SV2C: variants seen among roughly 807,000 people sequenced by gnomAD.
The protein encoded by SV2C is solute carrier family 22 member B3.
In SV2C, 49 loss-of-function variants were observed where a neutral mutation model predicts 79.7. The ratio of observed to expected loss-of-function variants is 0.61; its 90% CI spans 0.49 to 0.78. The LOEUF (loss-of-function observed/expected upper bound fraction) is 0.78, where lower values mean the gene tolerates loss of function less well. Among genes scored for constraint, SV2C ranks in the 30% least tolerant of loss-of-function variants. The probability of loss-of-function intolerance (pLI) is 0.00; values close to 1 mark genes in which losing one functional copy is unlikely to be tolerated. For missense variants in SV2C, 833 were observed against 912.9 expected (o/e 0.91, Z 1.13); for synonymous variants, 334 against 333.2 (o/e 1.00, Z -0.03).
intron 1 of SV2C, among the ~76,000 whole-genome samples, chr5:76,113,339 T>C (rs1336205593): frequency 1.3e-5 from 2 of 152,274 alleles, no homozygotes; most frequent in Non-Finnish European, 2.9e-5. Context: ...GCAAGGGCTG[T>C]ACCTTTAGTT....
At chr5:76,091,517 G>A (rs1017460635) in intron 1 of SV2C, among the ~76,000 whole-genome samples, 29 of 152,150 alleles carry the variant, frequency 1.9e-4, no homozygotes, top group African/African-American at 6.3e-4. Flanking sequence ...CTGTGCTGTT[G>A]ATGTCCCTGG....
At chr5:76,286,349 C>T (rs1210906332) in intron 6 of SV2C, among the ~76,000 whole-genome samples, 1 of 152,066 alleles carries the variant, frequency 6.6e-6, no homozygotes, top group Non-Finnish European at 1.5e-5. Context: ...CTCCACTCGG[C>T]CAGGTCATAC....
At chr5:76,235,064 C>T (rs984988504) in intron 4 of SV2C, among the ~76,000 whole-genome samples, 2 of 151,388 alleles carry the variant, frequency 1.3e-5, no homozygotes, top group Non-Finnish European at 2.9e-5. Context: ...CTTTTCCTAT[C>T]GTAATTAACT....
the SV2C span, among the ~76,000 whole-genome samples, chr5:75,980,037 T>C: frequency 6.6e-6 from 1 of 152,120 alleles, no homozygotes; most frequent in Non-Finnish European, 1.5e-5. Context: ...ATAAGGGAGA[T>C]ATTACCACTG....
chr5:75,957,164 C>G, the SV2C span, among the ~76,000 whole-genome samples: 1 of 151,890 alleles, frequency 6.6e-6, no homozygotes, highest in Non-Finnish European at 1.5e-5. Flanking sequence ...TGGGAAAAGC[C>G]TAGAAGCTCC....
chr5:76,337,805 T>C (rs760920838), downstream of SV2C, among the ~76,000 whole-genome samples: 2 of 152,178 alleles, frequency 1.3e-5, no homozygotes, highest in Admixed American at 6.5e-5. Flanking sequence ...TCTCCATTTA[T>C]TAGAATTCCA....
At chr5:75,986,794 T>C in the SV2C span, among the ~76,000 whole-genome samples, 1 of 151,930 alleles carries the variant, frequency 6.6e-6, no homozygotes, top group African/African-American at 2.4e-5. Flanking sequence ...TTGTGTCTGT[T>C]TGTTCTGGAT....
At chr5:76,185,692 C>T (rs968878164) in intron 2 of SV2C, among the ~76,000 whole-genome samples, 15 of 152,228 alleles carry the variant, frequency 9.9e-5, no homozygotes, top group Admixed American at 9.8e-4. Context: ...TCCAAGGCTG[C>T]ATAGCAGCCG....
intron 1 of SV2C, among the ~76,000 whole-genome samples, chr5:76,084,887 G>A (rs1433249185): frequency 6.6e-6 from 1 of 151,922 alleles, no homozygotes; most frequent in Non-Finnish European, 1.5e-5. Context: ...CTGGGCTGGC[G>A]GGCAGGCGGC....
At chr5:76,031,160 C>T in the SV2C span, among the ~76,000 whole-genome samples, 1 of 152,192 alleles carries the variant, frequency 6.6e-6, no homozygotes, top group Non-Finnish European at 1.5e-5. Context: ...GAAGGGATTG[C>T]ATCAGACTCT....
In SV2C at chr5:76,301,378, G is replaced by T; in HGVS notation, c.1841-8G>T. 6.2e-7 allele frequency: 1 copy of T among 1,613,640 alleles called. No individual in the cohort carries two copies. The highest frequency in any genetic ancestry group is 8.5e-7 in the Non-Finnish European group (1 of 1,179,868). Reference sequence around the variant, plus strand: ...AACATTCCAGCCTTTTGTCTGCATTGTTGGCAGGTGGCTCTATGGTGCTTT... The same window carrying T: ...AACATTCCAGCCTTTTGTCTGCATTTTTGGCAGGTGGCTCTATGGTGCTTT... On this transcript the variant is annotated splice_region_variant and splice_polypyrimidine_tract_variant and intron_variant, in intron 11 of 12. Transcript: ENST00000502798.
chr5:76,191,238 C>T (rs1360419698), intron 2 of SV2C, among the ~76,000 whole-genome samples: 1 of 152,112 alleles, frequency 6.6e-6, no homozygotes, highest in Non-Finnish European at 1.5e-5. Flanking sequence ...GGGAAATCTA[C>T]CCCCATGGTC....
chr5:75,857,172 T>C, the SV2C span, among the ~76,000 whole-genome samples: 1 of 152,080 alleles, frequency 6.6e-6, no homozygotes, highest in Admixed American at 6.6e-5. Context: ...TTAGCCAGGA[T>C]GGTCTCGATC....
the SV2C span, among the ~76,000 whole-genome samples, chr5:75,886,159 T>C: frequency 2.0e-5 from 3 of 152,170 alleles, no homozygotes; most frequent in East Asian, 3.9e-4. Flanking sequence ...GAGACTCTAC[T>C]GAGAGCTGTC....
the SV2C span, among the ~76,000 whole-genome samples, chr5:76,063,197 C>T: frequency 4.6e-5 from 7 of 152,146 alleles, no homozygotes; most frequent in Non-Finnish European, 8.8e-5. Flanking sequence ...GAATTGTTCA[C>T]TCCTATCGAG....
chr5:75,894,123 A>C, the SV2C span, among the ~76,000 whole-genome samples: 1 of 152,082 alleles, frequency 6.6e-6, no homozygotes, highest in Non-Finnish European at 1.5e-5. Context: ...TTATACAGAC[A>C]GATTGGAGAG....
the SV2C span, among the ~76,000 whole-genome samples, chr5:75,901,176 T>C: frequency 6.6e-6 from 1 of 152,222 alleles, no homozygotes; most frequent in African/African-American, 2.4e-5. Context: ...TTTTAGAGTT[T>C]CCAGTTTTTC....
At chr5:75,977,723 A>G in the SV2C span, among the ~76,000 whole-genome samples, 1 of 152,240 alleles carries the variant, frequency 6.6e-6, no homozygotes, top group East Asian at 1.9e-4. Flanking sequence ...CAACACATGC[A>G]CAGCCTTCGT....
the SV2C span, among the ~76,000 whole-genome samples, chr5:75,996,471 T>C: frequency 6.6e-6 from 1 of 152,164 alleles, no homozygotes; most frequent in Non-Finnish European, 1.5e-5. Flanking sequence ...ATGCGGGATC[T>C]TTTTTGGTTC....
Sources: allele counts gnomAD v4.1 joint callset (sites outside exome capture counted in the v4.1 genomes callset), GRCh38; gene constraint gnomAD v4.1.1; transcripts MANE v1.5; gene names NCBI Gene and HGNC (gene_info 2026-07-23, HGNC 2026-07-21).